Variants in NRG1 observed in about 807,000 individuals in gnomAD.
NRG1 encodes the protein pro-neuregulin-1, membrane-bound isoform.
Under a neutral mutation model 63.8 loss-of-function variants are expected in NRG1, and 18 were observed. The ratio of observed to expected loss-of-function variants is 0.28; its 90% confidence interval spans 0.19 to 0.42. NRG1 has a LOEUF of 0.42. Ranked by LOEUF, NRG1 falls within the 10% of genes least tolerant of loss-of-function variation. The probability of loss-of-function intolerance (pLI) is 1.00; values close to 1 mark genes in which losing one functional copy is unlikely to be tolerated. For synonymous variants in NRG1, 302 were observed against 301.3 expected (o/e 1.00, Z -0.02); for missense variants, 762 against 814.7 (o/e 0.94, Z 0.79).
intron 1 of NRG1, among the ~76,000 whole-genome samples, chr8:32,119,269 G>C (rs9773442): frequency 2.0e-5 from 3 of 151,982 alleles, no homozygotes; most frequent in Non-Finnish European, 4.4e-5. Flanking sequence ...ATTTTAATAT[G>C]AGAAAACTAA....
intron 1 of NRG1, among the ~76,000 whole-genome samples, chr8:32,048,961 A>G (rs71512607): frequency 0.038 from 5,812 of 152,102 alleles, 224 homozygotes; most frequent in Admixed American, 0.11. Context: ...GGAAAGCCTA[A>G]AAAAAGAGCA....
At chr8:32,512,994 C>T (rs749018603) in intron 1 of NRG1, among the ~76,000 whole-genome samples, 2 of 151,906 alleles carry the variant, frequency 1.3e-5, no homozygotes, top group Non-Finnish European at 2.9e-5. Context: ...TAAGAATATC[C>T]AAACAAAGAC....
intron 1 of NRG1, among the ~76,000 whole-genome samples, chr8:31,866,225 GC>G (rs1329343339): frequency 6.6e-6 from 1 of 152,140 alleles, no homozygotes; most frequent in Non-Finnish European, 1.5e-5. Flanking sequence ...TATAAAAATT[GC>G]CATCCCACAG....
chr8:31,719,842 T>C (rs78182809), intron 1 of NRG1, among the ~76,000 whole-genome samples: 1 of 43,642 alleles, frequency 2.3e-5, no homozygotes, highest in Non-Finnish European at 6.3e-5. Flanking sequence ...GGGATTATGA[T>C]TTTTTTTTTT....
intron 1 of NRG1, among the ~76,000 whole-genome samples, chr8:32,060,362 C>T (rs1042389771): frequency 1.3e-5 from 2 of 151,646 alleles, no homozygotes; most frequent in African/African-American, 4.8e-5. Context: ...GAGGGAGGGG[C>T]AGGTGATCCA....
At chr8:32,382,184 TTTAAAGAG>T (rs1490177853) in intron 1 of NRG1, among the ~76,000 whole-genome samples, 1 of 152,154 alleles carries the variant, frequency 6.6e-6, no homozygotes, top group Non-Finnish European at 1.5e-5. Flanking sequence ...ACAATTGAGA[TTTAAAGAG>T]TATAACTTTC....
chr8:31,990,536 A>G (rs1810888229), intron 1 of NRG1, among the ~76,000 whole-genome samples: 1 of 152,094 alleles, frequency 6.6e-6, no homozygotes, highest in Admixed American at 6.6e-5. Context: ...TAGTCACACT[A>G]AGGTGCAAAG....
chr8:32,482,268 C>T (rs888540551), intron 1 of NRG1, among the ~76,000 whole-genome samples: 1 of 152,084 alleles, frequency 6.6e-6, no homozygotes, highest in Non-Finnish European at 1.5e-5. Context: ...CTGAAACTAT[C>T]AAAATGAGGC....
intron 1 of NRG1, among the ~76,000 whole-genome samples, chr8:32,532,586 T>C (rs1399956174): frequency 6.6e-6 from 1 of 152,140 alleles, no homozygotes; most frequent in African/African-American, 2.4e-5. Flanking sequence ...TTATTTAAGA[T>C]ATATGATTTT....
intron 1 of NRG1, among the ~76,000 whole-genome samples, chr8:32,459,636 T>C (rs759383373): frequency 6.6e-6 from 1 of 152,062 alleles, no homozygotes; most frequent in Non-Finnish European, 1.5e-5. Context: ...GAAACATGAA[T>C]TAGATTTTGT....
chr8:32,394,035 C>T (rs1052692494), intron 1 of NRG1, among the ~76,000 whole-genome samples: 3 of 152,030 alleles, frequency 2.0e-5, no homozygotes, highest in African/African-American at 4.8e-5. Flanking sequence ...TCTCTTATTC[C>T]TTCTAAATAT....
chr8:32,216,206 TTA>T (rs1240183129), intron 1 of NRG1, among the ~76,000 whole-genome samples: 1 of 150,300 alleles, frequency 6.7e-6, no homozygotes, highest in Non-Finnish European at 1.5e-5. Context: ...TTATAACATA[TTA>T]TATATAATTG....
At chr8:31,645,507 A>G (rs1804204286) in intron 1 of NRG1, among the ~76,000 whole-genome samples, 1 of 152,174 alleles carries the variant, frequency 6.6e-6, no homozygotes, top group African/African-American at 2.4e-5. Context: ...ATACAGGTTG[A>G]AGCAGATAAA....
Position 31,640,151 on chromosome 8 carries a change from C to A in NRG1, c.37+720C>A. On this transcript the variant is annotated intron_variant, in intron 1 of 10. Coordinates refer to the NRG1 transcript ENST00000519301. The surrounding 1 kb of genome is among the most constrained non-coding windows in gnomAD (Gnocchi z 6.3). ...GCGGCGGCCGGCAACGAGGCGGCTCCCGCGGGGGCCTCGGTGTGCTACTCG... is the reference window on the plus strand; with the variant it reads ...GCGGCGGCCGGCAACGAGGCGGCTCACGCGGGGGCCTCGGTGTGCTACTCG... The A allele has an allele frequency of 8.5e-7, 1 of 1,175,082 alleles. No individual in the cohort carries two copies. Among genetic ancestry groups the A allele is most frequent in the South Asian group, 3.7e-5 (1 of 27,028 alleles). The allele number at this position is 1,175,082 out of a possible 1,614,324, so 72.8% of individuals were successfully genotyped here.
At chr8:32,200,492 C>A (rs1017028042) in intron 1 of NRG1, among the ~76,000 whole-genome samples, 6 of 152,110 alleles carry the variant, frequency 3.9e-5, no homozygotes, top group African/African-American at 1.2e-4. Flanking sequence ...CCACCCCACC[C>A]CTGTTTATTT....
chr8:31,954,798 T>C (rs1804089813), intron 1 of NRG1, among the ~76,000 whole-genome samples: 1 of 152,180 alleles, frequency 6.6e-6, no homozygotes, highest in African/African-American at 2.4e-5. Context: ...AAGATAGCGA[T>C]TTCCCCTAGA....
chr8:32,048,442 C>CATATATATATATAT (rs746098368), intron 1 of NRG1, among the ~76,000 whole-genome samples: 2 of 134,884 alleles, frequency 1.5e-5, no homozygotes, highest in African/African-American at 5.8e-5. Flanking sequence ...CACATATATA[C>CATATATATATATAT]ATACATATAT....
At chr8:32,347,703 A>T (rs374832878) in intron 1 of NRG1, among the ~76,000 whole-genome samples, 40 of 152,268 alleles carry the variant, frequency 2.6e-4, no homozygotes, top group African/African-American at 9.1e-4. Context: ...CCAGACTTTT[A>T]ACAGCCCAGA....
chr8:31,721,670 A>AT (rs892496535), intron 1 of NRG1, among the ~76,000 whole-genome samples: 2 of 151,850 alleles, frequency 1.3e-5, no homozygotes, highest in African/African-American at 4.8e-5. Flanking sequence ...GCAAGCATTG[A>AT]TTTTTTTCTT....
Sources: allele counts gnomAD v4.1 joint callset (sites outside exome capture counted in the v4.1 genomes callset), GRCh38; gene constraint gnomAD v4.1.1; non-coding constraint Gnocchi (gnomAD v3.1); transcripts MANE v1.5; gene names NCBI Gene and HGNC (gene_info 2026-07-23, HGNC 2026-07-21).